Variants in DOCK10 observed in about 807,000 individuals in gnomAD.
DOCK10 encodes dedicator of cytokinesis protein 10.
In DOCK10, 145 loss-of-function variants were observed where a neutral mutation model predicts 280.1. That is an observed-to-expected ratio of 0.52 (90% confidence interval 0.45 to 0.59). The LOEUF is 0.59. Ranked by LOEUF, DOCK10 falls within the 20% of genes least tolerant of loss-of-function variation. The probability of loss-of-function intolerance (pLI) is 0.00; values close to 1 mark genes in which losing one functional copy is unlikely to be tolerated. For missense variants in DOCK10, 2,368 were observed against 2,651.7 expected (o/e 0.89, Z 2.35); for synonymous variants, 915 against 942.2 (o/e 0.97, Z 0.53).
chr2:224,961,414 CTTTCTTTCTTT>C (rs1704395697), intron 1 of DOCK10, among the ~76,000 whole-genome samples: 1 of 82,992 alleles, frequency 1.2e-5, no homozygotes, highest in Non-Finnish European at 2.6e-5. Context: ...CTTTCTTTCT[CTTTCTTTCTTT>C]CTTTCTTTCT....
intron 1 of DOCK10, among the ~76,000 whole-genome samples, chr2:224,963,923 G>A (rs139253164): frequency 2.7e-4 from 40 of 150,010 alleles, no homozygotes; most frequent in African/African-American, 9.3e-4. Context: ...AGAATTTGAT[G>A]TACAGTCCAA....
Position 224,765,694 on chromosome 2 carries a change from A to G in DOCK10, c.*27T>C. On this transcript the variant is annotated 3_prime_UTR_variant, in exon 56 of 56. Transcript: ENST00000258390. ...AGCTGCAAATTCAGAAAGTTCTCTTAGAGGTGGGTCTGATGCTGCAGAGCC... is the reference window on the plus strand; with the variant it reads ...AGCTGCAAATTCAGAAAGTTCTCTTGGAGGTGGGTCTGATGCTGCAGAGCC... 1 of 1,467,458 alleles carries G rather than the reference A, an allele frequency of 6.8e-7. No individual in the cohort carries two copies. The highest frequency in any genetic ancestry group is 1.4e-5 in the African/African-American group (1 of 71,588). The allele number at this position is 1,467,458 out of a possible 1,614,324, so 90.9% of individuals were successfully genotyped here. A position where few individuals can be genotyped will look rare whatever the true frequency, so the allele number is the denominator to read the frequency against.
At chr2:224,923,333 A>C (rs921982131) in intron 2 of DOCK10, among the ~76,000 whole-genome samples, 1 of 152,180 alleles carries the variant, frequency 6.6e-6, no homozygotes, top group Non-Finnish European at 1.5e-5. Flanking sequence ...TGGATTGACA[A>C]ACTACTGAGC....
At chr2:224,792,877 T>TA in intron 47 of DOCK10, 97 bp downstream of exon 47, 2 of 936,152 alleles carry the variant, frequency 2.1e-6, no homozygotes, top group Non-Finnish European at 3.2e-6. Context: ...CAGTTTTTGC[T>TA]TCTAAGAATA....
In DOCK10 at chr2:224,999,248, CTCTT is replaced by C. The variant is rs752175274; in HGVS notation, c.123+43000_123+43003del. 3.7e-5 allele frequency among the ~76,000 whole-genome samples: 5 copies of C among 135,190 alleles called. No homozygotes were observed. In the East Asian group the frequency reaches 5.8e-4, roughly 16 times the overall value. 88.7% of individuals were successfully genotyped at this position (135,190 alleles called of 152,430 possible). A position where few individuals can be genotyped will look rare whatever the true frequency, so the allele number is the denominator to read the frequency against. Reference sequence around the variant, plus strand: ...TCTCTCTCTCTTTCTCTGTCTCTCTCTCTTTTTTTTTTTCAATAAGGGTCTCGCT... The same window carrying C: ...TCTCTCTCTCTTTCTCTGTCTCTCTCTTTTTTTTTCAATAAGGGTCTCGCT... On this transcript the variant is annotated intron_variant, in intron 1 of 55. Transcript: ENST00000258390.
Position 224,807,785 on chromosome 2 carries a change from C to A in DOCK10, c.3586-1G>T. 6.4e-7 allele frequency: 1 copy of A among 1,566,398 alleles called. No individual in the cohort carries two copies. The highest frequency in any genetic ancestry group is 8.7e-7 in the Non-Finnish European group (1 of 1,154,498). ...AACTTGCTATCTGGGCCTGCTTTCT[C>A]TAGGAGAAAAGGTAGCCAAAAGAAA... On this transcript the variant is annotated splice_acceptor_variant, in intron 32 of 55. Transcript: ENST00000258390. LOFTEE classifies it high-confidence loss of function.
chr2:224,991,985 G>T (rs944089775), intron 1 of DOCK10, among the ~76,000 whole-genome samples: 1 of 152,086 alleles, frequency 6.6e-6, no homozygotes, highest in Non-Finnish European at 1.5e-5. Context: ...CAACAAGGAC[G>T]CTAATGCATC....
In DOCK10 at chr2:224,852,457, A is replaced by G; in HGVS notation, c.2077-15T>C. The G allele has an allele frequency of 6.5e-7, 1 of 1,548,366 alleles. No individual in the cohort carries two copies. The highest frequency in any genetic ancestry group is 1.4e-5 in the African/African-American group (1 of 73,318). ...ATATTCCGTGCCTGAAATTACGGAG[A>G]GAAAAAATGGAAATTGTAATTTCCT... On this transcript the variant is annotated splice_polypyrimidine_tract_variant and intron_variant, in intron 17 of 55. Coordinates refer to ENST00000258390, the MANE Select transcript of DOCK10 (RefSeq NM_014689.3).
At chr2:224,898,714 C>G (rs1325064973) in intron 3 of DOCK10, among the ~76,000 whole-genome samples, 1 of 152,178 alleles carries the variant, frequency 6.6e-6, no homozygotes, top group Admixed American at 6.5e-5. Flanking sequence ...GTAGCCAGGA[C>G]TACAGGTGCC....
chr2:224,892,427 G>GAAAGAAAAGAAAAGAAAAGAAAAGA lies in DOCK10; in HGVS notation c.416+3867_416+3868insTCTTTTCTTTTCTTTTCTTTTCTTT, dbSNP rs61162322. 6.9e-3 allele frequency among the ~76,000 whole-genome samples: 652 copies of GAAAGAAAAGAAAAGAAAAGAAAAGA among 93,912 alleles called. 12 individuals carry two copies. The highest frequency in any genetic ancestry group is 0.028 in the African/African-American group (408 of 14,612). The allele number at this position is 93,912 out of a possible 152,430, so 61.6% of individuals were successfully genotyped here. On this transcript the variant is annotated intron_variant, in intron 4 of 55. Coordinates refer to ENST00000258390, the MANE Select transcript of DOCK10 (RefSeq NM_014689.3). Reference sequence around the variant, plus strand: ...AAAAAAAAAAAAAAAAAAAAAGAAAGAAAGAAAAGAAAAGAAAAGAAAAAA... The same window carrying GAAAGAAAAGAAAAGAAAAGAAAAGA: ...AAAAAAAAAAAAAAAAAAAAAGAAAGAAAGAAAAGAAAAGAAAAGAAAAGAAAAGAAAAGAAAAGAAAAGAAAAAA...
chr2:224,894,072 T>C (rs1699852036), intron 4 of DOCK10, among the ~76,000 whole-genome samples: 2 of 152,262 alleles, frequency 1.3e-5, no homozygotes, highest in African/African-American at 2.4e-5. Flanking sequence ...TCTTACTTTG[T>C]GGCAGTCTGA....
At chr2:225,003,066 G>C (rs903332995) in intron 1 of DOCK10, among the ~76,000 whole-genome samples, 3 of 152,106 alleles carry the variant, frequency 2.0e-5, no homozygotes, top group African/African-American at 7.2e-5. Flanking sequence ...TTCTATTTTA[G>C]AGACAGGGTC....
At chr2:224,866,343 A>G (rs1697910997) in intron 11 of DOCK10, among the ~76,000 whole-genome samples, 1 of 152,174 alleles carries the variant, frequency 6.6e-6, no homozygotes, top group African/African-American at 2.4e-5. Context: ...TCATGCTTTT[A>G]TGGCAGTAAA....
chr2:224,918,745 T>C (rs908610320), intron 2 of DOCK10, among the ~76,000 whole-genome samples: 3 of 151,530 alleles, frequency 2.0e-5, no homozygotes, highest in Non-Finnish European at 4.4e-5. Context: ...TGTTAGTGTG[T>C]ATACATGAGT....
At chr2:224,967,283 T>C (rs1274731053) in intron 1 of DOCK10, among the ~76,000 whole-genome samples, 1 of 151,818 alleles carries the variant, frequency 6.6e-6, no homozygotes, top group Non-Finnish European at 1.5e-5. Context: ...GGTTTCACCG[T>C]GTTAGTCAGG....
chr2:224,995,071 C>T (rs991894872), intron 1 of DOCK10, among the ~76,000 whole-genome samples: 1 of 152,156 alleles, frequency 6.6e-6, no homozygotes, highest in African/African-American at 2.4e-5. Flanking sequence ...ACCTGACTTC[C>T]TCAGCAGGTG....
At chr2:224,925,559 G>A (rs1429967833) in intron 2 of DOCK10, among the ~76,000 whole-genome samples, 1 of 152,218 alleles carries the variant, frequency 6.6e-6, no homozygotes, top group Non-Finnish European at 1.5e-5. Flanking sequence ...CTGTTCAAGT[G>A]TAAGGTCTGC....
chr2:224,931,445 G>T, intron 2 of DOCK10, 104 bp downstream of exon 2: 1 of 1,268,104 alleles, frequency 7.9e-7, no homozygotes, highest in South Asian at 1.6e-5. Context: ...TGAGATGTAG[G>T]GTGGCCACAG....
At chr2:225,031,514 A>G (rs773843859) in intron 1 of DOCK10, among the ~76,000 whole-genome samples, 17 of 152,220 alleles carry the variant, frequency 1.1e-4, no homozygotes, top group Non-Finnish European at 2.2e-4. Context: ...TCCAGGACAG[A>G]TCATATTACC....
Sources: allele counts gnomAD v4.1 joint callset (sites outside exome capture counted in the v4.1 genomes callset), GRCh38; gene constraint gnomAD v4.1.1; transcripts MANE v1.5; gene names NCBI Gene and HGNC (gene_info 2026-07-23, HGNC 2026-07-21).